The following TAFA1 variants were observed in gnomAD, a reference collection of about 807,000 sequenced individuals.
TAFA1 encodes the protein chemokine-like protein TAFA-1.
TAFA1 carries 4 observed loss-of-function variants against 18.5 expected under a neutral mutation model. The observed-to-expected ratio is 0.22, with a 90% CI of 0.11 to 0.49. The LOEUF is 0.49. Ranked by LOEUF, TAFA1 falls within the 20% of genes least tolerant of loss-of-function variation. The pLI is 0.98. For synonymous variants in TAFA1, 56 were observed against 55.2 expected, an observed-to-expected ratio of 1.01 and a Z score of -0.06; for missense variants, 147 against 169.0, an observed-to-expected ratio of 0.87 and a Z score of 0.72.
chr3:68,220,584 T>C (rs1293432414), intron 2 of TAFA1, among the ~76,000 whole-genome samples: 1 of 152,124 alleles, frequency 6.6e-6, no homozygotes, highest in Non-Finnish European at 1.5e-5. Flanking sequence ...TTCAAACAAT[T>C]TCTTCGGAAG....
At chr3:68,022,332 A>T (rs1704708109) in intron 2 of TAFA1, among the ~76,000 whole-genome samples, 1 of 152,178 alleles carries the variant, frequency 6.6e-6, no homozygotes, top group African/African-American at 2.4e-5. Context: ...GAGGCAGAAG[A>T]ATCAGATGGT....
At chr3:68,412,729 G>C (rs1168690716) in intron 2 of TAFA1, among the ~76,000 whole-genome samples, 1 of 152,112 alleles carries the variant, frequency 6.6e-6, no homozygotes, top group Non-Finnish European at 1.5e-5. Flanking sequence ...TGGCTGCATA[G>C]TATTCCATGG....
chr3:68,420,167 G>A (rs12637487), intron 3 of TAFA1, among the ~76,000 whole-genome samples: 22,145 of 152,230 alleles, frequency 0.15, 2,133 homozygotes, highest in East Asian at 0.33. Context: ...GCTTAGGCCA[G>A]TGTGTCAACC....
At chr3:67,996,840 G>A in the TAFA1 span, among the ~76,000 whole-genome samples, 1 of 151,782 alleles carries the variant, frequency 6.6e-6, no homozygotes. Context: ...TATGTTTGAG[G>A]AGCTGAAAGG....
At chr3:68,186,979 A>G (rs534260246) in intron 2 of TAFA1, among the ~76,000 whole-genome samples, 8 of 147,686 alleles carry the variant, frequency 5.4e-5, no homozygotes, top group South Asian at 4.4e-4. Flanking sequence ...AGTTTGTGGG[A>G]AAAAAAAAAG....
At chr3:68,392,825 C>A (rs551508496) in intron 2 of TAFA1, among the ~76,000 whole-genome samples, 2 of 152,100 alleles carry the variant, frequency 1.3e-5, no homozygotes, top group East Asian at 1.9e-4. Flanking sequence ...AAAGACACAA[C>A]GTACCAGAAT....
intron 2 of TAFA1, among the ~76,000 whole-genome samples, chr3:68,121,522 A>C (rs1412583666): frequency 6.6e-6 from 1 of 152,160 alleles, no homozygotes; most frequent in African/African-American, 2.4e-5. Context: ...TCTTGAACTG[A>C]ATGTACAGGC....
At chr3:68,268,386 GC>G (rs2067588802) in intron 2 of TAFA1, among the ~76,000 whole-genome samples, 3 of 152,090 alleles carry the variant, frequency 2.0e-5, no homozygotes, top group Non-Finnish European at 1.5e-5. Flanking sequence ...AAAACGTGTG[GC>G]CCCCGTGACT....
intron 2 of TAFA1, among the ~76,000 whole-genome samples, chr3:68,416,601 A>G (rs1347832162): frequency 6.6e-6 from 1 of 152,158 alleles, no homozygotes; most frequent in African/African-American, 2.4e-5. Flanking sequence ...ACCTGCTAAG[A>G]TCGTAGTGGA....
intron 3 of TAFA1, among the ~76,000 whole-genome samples, chr3:68,441,705 C>A (rs1197150733): frequency 6.6e-6 from 1 of 152,242 alleles, no homozygotes; most frequent in East Asian, 1.9e-4. Flanking sequence ...CCTCTGCCAC[C>A]CTGCCTTTTC....
At chr3:68,540,507 C>T (rs749892928) in intron 4 of TAFA1, among the ~76,000 whole-genome samples, 7 of 152,132 alleles carry the variant, frequency 4.6e-5, no homozygotes, top group Non-Finnish European at 8.8e-5. Flanking sequence ...TGAAGTTGCC[C>T]TCACAAATTG....
chr3:68,487,015 A>T (rs1482968245), intron 3 of TAFA1, among the ~76,000 whole-genome samples: 1 of 152,256 alleles, frequency 6.6e-6, no homozygotes, highest in Non-Finnish European at 1.5e-5. Flanking sequence ...CAGAAATAAC[A>T]GTAATTTTAT....
At chr3:68,186,027 T>C (rs367860074) in intron 2 of TAFA1, among the ~76,000 whole-genome samples, 2 of 152,020 alleles carry the variant, frequency 1.3e-5, no homozygotes, top group East Asian at 1.9e-4. Flanking sequence ...AAAAGGGAGG[T>C]GAGCAGTGTT....
At chr3:68,393,209 C>T (rs1012053680) in intron 2 of TAFA1, among the ~76,000 whole-genome samples, 1 of 152,098 alleles carries the variant, frequency 6.6e-6, no homozygotes, top group Non-Finnish European at 1.5e-5. Flanking sequence ...AAACTATCAT[C>T]AGAGAATACT....
At chr3:68,055,287 C>G (rs560206155) in intron 2 of TAFA1, among the ~76,000 whole-genome samples, 93 of 152,220 alleles carry the variant, frequency 6.1e-4, no homozygotes, top group African/African-American at 2.0e-3. Context: ...GGTAGATACT[C>G]ATGTGTGTGT....
intron 2 of TAFA1, among the ~76,000 whole-genome samples, chr3:68,208,793 T>C (rs1016978434): frequency 6.6e-6 from 1 of 152,006 alleles, no homozygotes; most frequent in African/African-American, 2.4e-5. Context: ...AGTTGTATGC[T>C]TGGGTGGTAG....
chr3:68,047,112 G>T lies in TAFA1; in HGVS notation c.118+40368G>T, dbSNP rs543102715. Among the ~76,000 whole-genome samples the T allele has an allele frequency of 1.7e-3, 263 of 152,200 alleles. 2 individuals are homozygous for T. Among genetic ancestry groups the T allele is most frequent in the African/African-American group, 6.2e-3 (257 of 41,534 alleles). ...GCTCAACTGTTCTCATCCCCATGAG[G>T]GTAGGCAAGCTACAGATGCTACACA... On this transcript the variant is annotated intron_variant, in intron 2 of 4. Transcript: ENST00000478136.
At chr3:68,400,610 C>T (rs1470294097) in intron 2 of TAFA1, among the ~76,000 whole-genome samples, 1 of 152,180 alleles carries the variant, frequency 6.6e-6, no homozygotes, top group African/African-American at 2.4e-5. Flanking sequence ...CCTCTCTAAA[C>T]AATCAGATTC....
chr3:68,487,740 A>G (rs1363170230), intron 3 of TAFA1, among the ~76,000 whole-genome samples: 6 of 146,284 alleles, frequency 4.1e-5, no homozygotes, highest in Non-Finnish European at 7.5e-5. Flanking sequence ...GGACAGAGCG[A>G]AACTCTGTCT....
Sources: gnomAD v4.1 joint callset for allele counts (sites outside exome capture counted in the v4.1 genomes callset) on GRCh38, gnomAD v4.1.1 for gene constraint, MANE v1.5 for transcripts, NCBI Gene and HGNC (gene_info 2026-07-23, HGNC 2026-07-21) for gene names.